The following ADCY1 variants were observed in gnomAD, a reference collection of about 807,000 sequenced individuals.
The protein encoded by ADCY1 is adenylate cyclase type 1.
ADCY1 carries 28 observed loss-of-function variants against 105.4 expected under a neutral mutation model. That is an observed-to-expected ratio of 0.27 (90% confidence interval 0.20 to 0.36). The LOEUF (loss-of-function observed/expected upper bound fraction) is 0.36, where lower values mean the gene tolerates loss of function less well. ADCY1 is among the 10% of genes least tolerant of loss of function. ADCY1 has a pLI of 1.00. For synonymous variants in ADCY1, 655 were observed against 623.8 expected (o/e 1.05, Z -0.75); for missense variants, 977 against 1,434.2 (o/e 0.68, Z 5.15).
rs1449595785 is a variant in ADCY1 at position 45,575,862 on chromosome 7, G to C, written c.639+680G>C. 6.6e-6 allele frequency among the ~76,000 whole-genome samples: 1 copy of C among 152,242 alleles called. No homozygotes were observed. The highest frequency in any genetic ancestry group is 2.4e-5 in the African/African-American group (1 of 41,460). The stretch of plus-strand genomic sequence containing the variant: ...TTTGTCACTGTCTTCCCAGTCGGGC[G>C]GGCGAGATGGTTGCAAGGACGGGGA... On this transcript the variant is annotated intron_variant, in intron 1 of 19. Coordinates refer to ENST00000297323, the MANE Select transcript of ADCY1 (RefSeq NM_021116.4). This position sits in a 1 kb window ranked among gnomAD's most constrained non-coding sequence, Gnocchi z 4.7.
intron 4 of ADCY1, among the ~76,000 whole-genome samples, chr7:45,639,614 G>T (rs1379319822): frequency 6.6e-6 from 1 of 152,184 alleles, no homozygotes; most frequent in Admixed American, 6.5e-5. Context: ...CCTTAGTTCT[G>T]GTCATAACTC....
rs869216986 is a variant in ADCY1, at chr7:45,583,937, G to GTTTTTTTTTTTTTTTTTTTTT, written c.639+8763_639+8783dup. 7.0e-5 allele frequency among the ~76,000 whole-genome samples: 4 copies of GTTTTTTTTTTTTTTTTTTTTT among 56,896 alleles called. 1 individual carries two copies. The highest frequency in any genetic ancestry group is 7.2e-4 in the East Asian group (1 of 1,386). The allele number at this position is 56,896 out of a possible 152,430, so 37.3% of individuals were successfully genotyped here. A position where few individuals can be genotyped will look rare whatever the true frequency, so the allele number is the denominator to read the frequency against. On this transcript the variant is annotated intron_variant, in intron 1 of 19. Transcript: ENST00000297323. ...TTACAGGCATGAGCCACTGTGCCCTGTTTTTTTTTTTTTTTTTTTTTTTTT... is the reference window on the plus strand; with the variant it reads ...TTACAGGCATGAGCCACTGTGCCCTGTTTTTTTTTTTTTTTTTTTTTTTTTTTTTTTTTTTTTTTTTTTTTT...
At chr7:45,582,583 T>C (rs866833233) in intron 1 of ADCY1, among the ~76,000 whole-genome samples, 3 of 27,156 alleles carry the variant, frequency 1.1e-4, no homozygotes, top group Non-Finnish European at 2.2e-4. Flanking sequence ...GGGTGGGGGG[T>C]GGTGGGGGAT....
chr7:45,633,784 G>A (rs1794324207), intron 4 of ADCY1, among the ~76,000 whole-genome samples: 3 of 132,914 alleles, frequency 2.3e-5, no homozygotes, highest in South Asian at 5.2e-4. Flanking sequence ...CCTGGTGACA[G>A]AGTGAGACAT....
chr7:45,641,301 G>A (rs866874282), intron 4 of ADCY1, among the ~76,000 whole-genome samples: 2 of 152,170 alleles, frequency 1.3e-5, no homozygotes, highest in Non-Finnish European at 2.9e-5. Flanking sequence ...ATGTGAAAAG[G>A]ACACTGGAAA....
chr7:45,642,619 T>A (rs1253609233), intron 4 of ADCY1, among the ~76,000 whole-genome samples: 1 of 152,184 alleles, frequency 6.6e-6, no homozygotes, highest in African/African-American at 2.4e-5. Flanking sequence ...GTTGTTGTTT[T>A]AATAACCCTT....
chr7:45,598,269 C>T (rs942658481), intron 2 of ADCY1, among the ~76,000 whole-genome samples: 1 of 152,220 alleles, frequency 6.6e-6, no homozygotes, highest in African/African-American at 2.4e-5. Context: ...AAGGGAACCA[C>T]ATGGCTGTTT....
At chr7:45,712,202 TAAATA>T (rs1408109635) in intron 19 of ADCY1, among the ~76,000 whole-genome samples, 3 of 143,960 alleles carry the variant, frequency 2.1e-5, no homozygotes, top group Non-Finnish European at 4.5e-5. Flanking sequence ...AATTAAATGT[TAAATA>T]TATTAAATTA....
chr7:45,688,214 G>A (rs1007549463), intron 14 of ADCY1, among the ~76,000 whole-genome samples: 4 of 152,244 alleles, frequency 2.6e-5, no homozygotes, highest in African/African-American at 9.6e-5. Flanking sequence ...ACTTCAACCA[G>A]TGATAGGTCA....
At chr7:45,596,052 C>T (rs1286130967) in intron 2 of ADCY1, among the ~76,000 whole-genome samples, 1 of 152,230 alleles carries the variant, frequency 6.6e-6, no homozygotes, top group African/African-American at 2.4e-5. Context: ...GCTACACAGG[C>T]ACTTTGCCCC....
At chr7:45,660,562 G>A (rs985725342) in intron 7 of ADCY1, among the ~76,000 whole-genome samples, 7 of 152,334 alleles carry the variant, frequency 4.6e-5, no homozygotes, top group South Asian at 4.1e-4. Flanking sequence ...GGCTGTTACC[G>A]TCTTACATGG....
intron 14 of ADCY1, among the ~76,000 whole-genome samples, chr7:45,697,137 A>G (rs1784898506): frequency 6.6e-6 from 1 of 152,090 alleles, no homozygotes; most frequent in South Asian, 2.1e-4. Flanking sequence ...AGCAGATCCT[A>G]CCCCCACATT....
chr7:45,655,937 G>T (rs745581716), intron 5 of ADCY1, among the ~76,000 whole-genome samples: 1 of 151,966 alleles, frequency 6.6e-6, no homozygotes, highest in Non-Finnish European at 1.5e-5. Flanking sequence ...TTATTTCAGC[G>T]TTTGGTTTCA....
Position 45,708,503 on chromosome 7 carries a change from A to G in ADCY1, c.2932+39A>G, listed in dbSNP as rs751239120. ...AACCTATCCTGTCCATCCATGTGGA[A>G]CACCTTCCTACACCCACCTAGGGGT... On this transcript the variant is annotated intron_variant, in intron 18 of 19. Coordinates refer to ENST00000297323, the MANE Select transcript of ADCY1 (RefSeq NM_021116.4). This position sits in a 1 kb window ranked among gnomAD's most constrained non-coding sequence, Gnocchi z 4.7. 3 of 1,444,696 alleles carry G rather than the reference A, an allele frequency of 2.1e-6. No homozygotes were observed. In the Admixed American group the frequency reaches 5.0e-5, roughly 24 times the overall value. The allele number at this position is 1,444,696 out of a possible 1,614,324, so 89.5% of individuals were successfully genotyped here.
At chr7:45,581,426 C>T (rs564987418) in intron 1 of ADCY1, among the ~76,000 whole-genome samples, 1 of 152,344 alleles carries the variant, frequency 6.6e-6, no homozygotes, top group East Asian at 1.9e-4. Context: ...AGGTGGCAGG[C>T]ATAGTCTGTT....
intron 5 of ADCY1, among the ~76,000 whole-genome samples, chr7:45,655,061 C>CT (rs34295331): frequency 1.3e-5 from 2 of 152,170 alleles, no homozygotes; most frequent in East Asian, 3.8e-4. Flanking sequence ...CCTCTCTTCT[C>CT]TTTTTTTCCC....
At chr7:45,580,700 C>T (rs1792507351) in intron 1 of ADCY1, among the ~76,000 whole-genome samples, 2 of 152,160 alleles carry the variant, frequency 1.3e-5, no homozygotes, top group South Asian at 2.1e-4. Context: ...AGTAGTGGGG[C>T]GAGTCCCGCA....
chr7:45,576,265 C>T (rs1343143475), intron 1 of ADCY1, among the ~76,000 whole-genome samples: 2 of 152,032 alleles, frequency 1.3e-5, no homozygotes, highest in African/African-American at 2.4e-5. Context: ...GGTAAGGAGT[C>T]CCACAGCCCG....
chr7:45,680,403 T>TA (rs1784533284), intron 11 of ADCY1: 2 of 158,964 alleles, frequency 1.3e-5, no homozygotes, highest in Admixed American at 1.2e-4. Context: ...TGTGGCTCAC[T>TA]TGGAGGACTG....
Sources: gnomAD v4.1 joint callset for allele counts (sites outside exome capture counted in the v4.1 genomes callset) on GRCh38, gnomAD v4.1.1 for gene constraint, Gnocchi (gnomAD v3.1) non-coding constraint, MANE v1.5 for transcripts, NCBI Gene and HGNC (gene_info 2026-07-23, HGNC 2026-07-21) for gene names.